The following PARD3B variants were observed in gnomAD, a reference collection of about 807,000 sequenced individuals.
PARD3B encodes the protein par-3 family cell polarity regulator beta.
Under a neutral mutation model 130.2 loss-of-function variants are expected in PARD3B, and 103 were observed. The observed-to-expected ratio is 0.79, with a 90% confidence interval of 0.67 to 0.93. The LOEUF is 0.93. PARD3B is among the 40% of genes least tolerant of loss of function. The pLI, the probability that PARD3B is intolerant of heterozygous loss-of-function variation, is 0.00. For missense variants in PARD3B, 1,609 were observed against 1,499.2 expected (o/e 1.07, Z -1.21); for synonymous variants, 583 against 553.2 (o/e 1.05, Z -0.76).
At chr2:205,557,743 C>T (rs553409417) in intron 22 of PARD3B, among the ~76,000 whole-genome samples, 8 of 152,154 alleles carry the variant, frequency 5.3e-5, no homozygotes, top group Non-Finnish European at 1.0e-4. Context: ...TTATTGTTAG[C>T]TCTTTTTTTA....
chr2:204,567,326 C>A (rs1421066480), intron 1 of PARD3B, among the ~76,000 whole-genome samples: 1 of 152,086 alleles, frequency 6.6e-6, no homozygotes, highest in Non-Finnish European at 1.5e-5. Flanking sequence ...AAAACTTGTT[C>A]ATCTTCCCAA....
At chr2:205,044,454 C>G (rs1209818472) in intron 3 of PARD3B, among the ~76,000 whole-genome samples, 1 of 148,714 alleles carries the variant, frequency 6.7e-6, no homozygotes, top group Non-Finnish European at 1.5e-5. Flanking sequence ...TCTCCACATC[C>G]TCTCCAGCAC....
Position 205,116,727 on chromosome 2 carries a change from C to T in PARD3B, c.681-2194C>T, listed in dbSNP as rs115127512. 5.0e-3 allele frequency among the ~76,000 whole-genome samples: 756 copies of T among 152,176 alleles called. 5 individuals are homozygous for T. Among genetic ancestry groups the T allele is most frequent in the African/African-American group, 0.016 (685 of 41,522 alleles). On this transcript the variant is annotated intron_variant, in intron 6 of 22. Transcript: ENST00000406610. The surrounding 1 kb of genome is among the most constrained non-coding windows in gnomAD (Gnocchi z 4.5). ...AACTGGAGGGAATCTATCCCTTCCA[C>T]GGAGCAGAGAGGGCAGAAGTGGTTT...
intron 20 of PARD3B, among the ~76,000 whole-genome samples, chr2:205,466,253 TTTTATAACC>T (rs2048619550): frequency 6.6e-6 from 1 of 152,318 alleles, no homozygotes; most frequent in East Asian, 1.9e-4. Flanking sequence ...CAGCAAATCT[TTTTATAACC>T]TTCCAAAATT....
chr2:204,832,024 C>T (rs2043842599), intron 2 of PARD3B, among the ~76,000 whole-genome samples: 1 of 152,124 alleles, frequency 6.6e-6, no homozygotes, highest in South Asian at 2.1e-4. Context: ...AGATCGAGAG[C>T]ATCCTGGCTA....
chr2:204,978,965 CA>C (rs34432147), intron 3 of PARD3B, among the ~76,000 whole-genome samples: 32,377 of 75,202 alleles, frequency 0.43, 3,969 homozygotes, highest in Non-Finnish European at 0.5. Flanking sequence ...ACCCTGGCCT[CA>C]AAAAAAAAAA....
At chr2:205,486,800 G>A (rs1269817585) in intron 20 of PARD3B, among the ~76,000 whole-genome samples, 2 of 152,064 alleles carry the variant, frequency 1.3e-5, no homozygotes, top group African/African-American at 4.8e-5. Context: ...CTCCAGCATT[G>A]GGGATTACGA....
At chr2:205,331,644 G>A (rs849225) in intron 18 of PARD3B, among the ~76,000 whole-genome samples, 36,539 of 151,222 alleles carry the variant, frequency 0.24, 5,821 homozygotes, top group African/African-American at 0.45. Flanking sequence ...TTAGCTGGAC[G>A]TAGTGGTGGG....
intron 18 of PARD3B, among the ~76,000 whole-genome samples, chr2:205,318,909 C>CTGGA (rs2042651278): frequency 6.6e-6 from 1 of 152,178 alleles, no homozygotes; most frequent in African/African-American, 2.4e-5. Context: ...TAGAGCTAGT[C>CTGGA]TGGATCATCT....
chr2:205,244,566 A>G lies in PARD3B; in HGVS notation c.2141-1212A>G, dbSNP rs140298005. ...GGGAAATCCTCTCTCTTTCTAATAC[A>G]TTTTCTGTAGAATTGGTCTTATTTA... On this transcript the variant is annotated intron_variant, in intron 15 of 22. Coordinates refer to ENST00000406610, the MANE Select transcript of PARD3B (RefSeq NM_001302769.2). The surrounding 1 kb of genome is among the most constrained non-coding windows in gnomAD (Gnocchi z 4.7). 7.4e-3 allele frequency among the ~76,000 whole-genome samples: 1,118 copies of G among 152,060 alleles called. 17 individuals carry two copies. The highest frequency in any genetic ancestry group is 0.025 in the African/African-American group (1,050 of 41,456).
At chr2:205,581,409 GTATATATAAATA>G (rs2053979615) in intron 22 of PARD3B, among the ~76,000 whole-genome samples, 1 of 80,330 alleles carries the variant, frequency 1.2e-5, no homozygotes. Flanking sequence ...ATATATATAA[GTATATATAAATA>G]TATAAATATA....
chr2:205,466,816 G>C (rs551187057), intron 20 of PARD3B, among the ~76,000 whole-genome samples: 1 of 152,144 alleles, frequency 6.6e-6, no homozygotes, highest in Admixed American at 6.5e-5. Context: ...AGGTTCAAGC[G>C]ATTCTTCTGC....
intron 21 of PARD3B, among the ~76,000 whole-genome samples, chr2:205,503,668 T>C (rs1011020335): frequency 6.6e-6 from 1 of 152,156 alleles, no homozygotes; most frequent in African/African-American, 2.4e-5. Context: ...TCTTTTTTGG[T>C]TCCATATGAA....
chr2:205,327,605 G>A (rs1574709875), intron 18 of PARD3B, among the ~76,000 whole-genome samples: 1 of 152,148 alleles, frequency 6.6e-6, no homozygotes, highest in African/African-American at 2.4e-5. Flanking sequence ...CACCCCAGCA[G>A]TCTGGCGCCA....
At chr2:204,601,166 A>G (rs541826281) in intron 1 of PARD3B, among the ~76,000 whole-genome samples, 17 of 152,090 alleles carry the variant, frequency 1.1e-4, no homozygotes, top group African/African-American at 3.9e-4. Flanking sequence ...TTGTTTCATC[A>G]TTTCAGATTC....
At chr2:205,220,663 T>C (rs2038188879) in intron 15 of PARD3B, among the ~76,000 whole-genome samples, 1 of 152,038 alleles carries the variant, frequency 6.6e-6, no homozygotes. Flanking sequence ...AAATGGAGAA[T>C]GATAAGAAGA....
chr2:205,260,049 T>A (rs1481329163), intron 16 of PARD3B, among the ~76,000 whole-genome samples: 1 of 152,184 alleles, frequency 6.6e-6, no homozygotes, highest in South Asian at 2.1e-4. Flanking sequence ...CAGCCACCCA[T>A]GTGGTCAGTC....
rs565122208 is a variant in PARD3B, at chr2:205,248,765, G to A, written c.2185+2943G>A. ...TGGGACCACAGGCGCCCACTACCGC[G>A]CCTGGCTAATTTTTTGTATTTTCAG... On this transcript the variant is annotated intron_variant, in intron 16 of 22. Coordinates refer to ENST00000406610, the MANE Select transcript of PARD3B (RefSeq NM_001302769.2). 1.2e-3 allele frequency among the ~76,000 whole-genome samples: 175 copies of A among 150,538 alleles called. 1 individual carries two copies. The highest frequency in any genetic ancestry group is 4.1e-3 in the African/African-American group (167 of 41,054).
At chr2:204,659,671 A>G (rs1342751333) in intron 1 of PARD3B, among the ~76,000 whole-genome samples, 1 of 152,174 alleles carries the variant, frequency 6.6e-6, no homozygotes, top group Non-Finnish European at 1.5e-5. Flanking sequence ...CTGTGCAACT[A>G]AAGAAAACAC....
Sources: gnomAD v4.1 joint callset for allele counts (sites outside exome capture counted in the v4.1 genomes callset) on GRCh38, gnomAD v4.1.1 for gene constraint, Gnocchi (gnomAD v3.1) non-coding constraint, MANE v1.5 for transcripts, NCBI Gene and HGNC (gene_info 2026-07-23, HGNC 2026-07-21) for gene names.